The following LDB2 variants were observed in gnomAD, a reference collection of about 807,000 sequenced individuals.
LDB2 encodes the protein LIM domain-binding protein 2.
Under a neutral mutation model 44.3 loss-of-function variants are expected in LDB2, and 12 were observed. The observed-to-expected ratio is 0.27, with a 90% CI of 0.17 to 0.44. LDB2 has a LOEUF of 0.44. Among genes scored for constraint, LDB2 ranks in the 20% least tolerant of loss-of-function variants. LDB2 has a pLI of 1.00. For missense variants in LDB2, 344 were observed against 473.5 expected (o/e 0.73, Z 2.54); for synonymous variants, 164 against 174.8 (o/e 0.94, Z 0.49).
At chr4:16,696,480 T>C (rs1246758126) in intron 2 of LDB2, among the ~76,000 whole-genome samples, 1 of 152,176 alleles carries the variant, frequency 6.6e-6, no homozygotes, top group Non-Finnish European at 1.5e-5. Flanking sequence ...AGGTCAGCTC[T>C]AAGAATCAAA....
chr4:16,843,540 C>T (rs549321761), intron 1 of LDB2, among the ~76,000 whole-genome samples: 51 of 152,312 alleles, frequency 3.3e-4, no homozygotes, highest in African/African-American at 1.2e-3. Context: ...TAAACCTATA[C>T]ATTATTAATG....
chr4:16,886,188 C>T (rs1721652925), intron 1 of LDB2, among the ~76,000 whole-genome samples: 1 of 152,050 alleles, frequency 6.6e-6, no homozygotes. Flanking sequence ...CACCGCACTC[C>T]AGCCTGGGCA....
intron 5 of LDB2, among the ~76,000 whole-genome samples, chr4:16,570,395 G>A (rs12503251): frequency 0.052 from 7,249 of 139,682 alleles, 256 homozygotes; most frequent in East Asian, 0.21. Flanking sequence ...CCTGGGAGGC[G>A]GAGCTTGCAG....
chr4:16,835,906 T>C (rs1057228931), intron 1 of LDB2, among the ~76,000 whole-genome samples: 1 of 152,216 alleles, frequency 6.6e-6, no homozygotes, highest in African/African-American at 2.4e-5. Context: ...TTATATTATC[T>C]GAGCTCTAGT....
At chr4:16,895,444 A>G (rs1724692810) in intron 1 of LDB2, among the ~76,000 whole-genome samples, 1 of 152,096 alleles carries the variant, frequency 6.6e-6, no homozygotes, top group Admixed American at 6.5e-5. Flanking sequence ...CTTGATTACA[A>G]TTTCTTCATC....
At chr4:16,854,629 T>G (rs1393321574) in intron 1 of LDB2, among the ~76,000 whole-genome samples, 1 of 150,988 alleles carries the variant, frequency 6.6e-6, no homozygotes, top group African/African-American at 2.4e-5. Context: ...GGGGAGGAAC[T>G]ATGGAGAAGA....
chr4:16,822,915 G>A (rs1668655675), intron 1 of LDB2, among the ~76,000 whole-genome samples: 1 of 152,178 alleles, frequency 6.6e-6, no homozygotes, highest in Non-Finnish European at 1.5e-5. Flanking sequence ...AATACTTGCA[G>A]GACCCCAATT....
At chr4:16,785,543 G>A (rs1429310642) in intron 1 of LDB2, among the ~76,000 whole-genome samples, 1 of 152,202 alleles carries the variant, frequency 6.6e-6, no homozygotes, top group East Asian at 1.9e-4. Flanking sequence ...GGCTGCAATG[G>A]CCGGGCAGCA....
intron 1 of LDB2, among the ~76,000 whole-genome samples, chr4:16,783,992 T>G (rs1773865542): frequency 6.6e-6 from 1 of 152,254 alleles, no homozygotes; most frequent in South Asian, 2.1e-4. Flanking sequence ...TTAAGATGAC[T>G]GGACAAGAAT....
chr4:16,626,009 CA>C (rs2152487542), intron 2 of LDB2, among the ~76,000 whole-genome samples: 1 of 152,226 alleles, frequency 6.6e-6, no homozygotes, highest in East Asian at 1.9e-4. Flanking sequence ...GACAGGGAAC[CA>C]AAATCCTTAA....
chr4:16,598,877 CTTT>C (rs5856371), intron 2 of LDB2, among the ~76,000 whole-genome samples: 12 of 143,740 alleles, frequency 8.3e-5, no homozygotes, highest in Non-Finnish European at 1.1e-4. Flanking sequence ...TTCTTTCTTT[CTTT>C]TTTTTTTTTT....
intron 3 of LDB2, among the ~76,000 whole-genome samples, chr4:16,590,916 C>T (rs180898037): frequency 8.5e-5 from 13 of 152,262 alleles, no homozygotes; most frequent in African/African-American, 2.9e-4. Context: ...AATTAATTTA[C>T]GAAGACATTA....
rs1189485535 is a variant in LDB2, at chr4:16,739,584, AAAAAAATAT to A, written c.235+19565_235+19573del. Among the ~76,000 whole-genome samples, 13 of 84,622 alleles carry A rather than the reference AAAAAAATAT, an allele frequency of 1.5e-4. 4 individuals are homozygous for A. Among genetic ancestry groups the A allele is most frequent in the Non-Finnish European group, 2.7e-4 (12 of 44,874 alleles). 55.5% of individuals were successfully genotyped at this position (84,622 alleles called of 152,430 possible). On this transcript the variant is annotated intron_variant, in intron 2 of 7. Coordinates refer to ENST00000304523, the MANE Select transcript of LDB2 (RefSeq NM_001290.5). ...CTCGGTGACAGAGGGAAAAAAAAAA[AAAAAAATAT>A]ATATATATATATATATGTATATATA... is the stretch of plus-strand genomic sequence containing the variant.
intron 1 of LDB2, among the ~76,000 whole-genome samples, chr4:16,854,684 A>T (rs774369334): frequency 8.7e-5 from 13 of 149,640 alleles, no homozygotes; most frequent in Non-Finnish European, 1.6e-4. Context: ...GTTATATATA[A>T]CTATTACATA....
intron 1 of LDB2, among the ~76,000 whole-genome samples, chr4:16,798,034 C>CAAA (rs1561265445): frequency 1.0e-5 from 1 of 99,172 alleles, no homozygotes; most frequent in African/African-American, 4.5e-5. Context: ...GACTCTGTCT[C>CAAA]GAAAAAAAAA....
intron 1 of LDB2, among the ~76,000 whole-genome samples, chr4:16,824,761 A>G (rs2109999666): frequency 6.6e-6 from 1 of 152,344 alleles, no homozygotes; most frequent in East Asian, 1.9e-4. Flanking sequence ...ACGGGTGTTC[A>G]CCCATGCTTT....
intron 2 of LDB2, among the ~76,000 whole-genome samples, chr4:16,662,801 AG>A (rs1319196476): frequency 6.6e-6 from 1 of 151,272 alleles, no homozygotes; most frequent in African/African-American, 2.4e-5. Flanking sequence ...AGGCCTCCCA[AG>A]CCATGTGGAA....
At chr4:16,677,243 C>A (rs1746577374) in intron 2 of LDB2, among the ~76,000 whole-genome samples, 1 of 152,164 alleles carries the variant, frequency 6.6e-6, no homozygotes, top group African/African-American at 2.4e-5. Flanking sequence ...TGGCCTGAAG[C>A]CAGCCAAAGG....
At chr4:16,806,104 G>A (rs1458403496) in intron 1 of LDB2, among the ~76,000 whole-genome samples, 2 of 152,146 alleles carry the variant, frequency 1.3e-5, no homozygotes, top group Non-Finnish European at 2.9e-5. Context: ...GCTTGGATAG[G>A]AAACTGAGTA....
Sources: allele counts gnomAD v4.1 joint callset (sites outside exome capture counted in the v4.1 genomes callset), GRCh38; gene constraint gnomAD v4.1.1; transcripts MANE v1.5; gene names NCBI Gene and HGNC (gene_info 2026-07-23, HGNC 2026-07-21).